MAP2K3: variants seen among roughly 807,000 people sequenced by gnomAD.
MAP2K3 encodes dual specificity mitogen-activated protein kinase kinase 3.
MAP2K3 carries 30 observed loss-of-function variants against 46.4 expected under a neutral mutation model. The observed-to-expected ratio is 0.65, with a 90% CI of 0.48 to 0.88. MAP2K3 has a LOEUF of 0.88. Among genes scored for constraint, MAP2K3 ranks in the 40% least tolerant of loss-of-function variants. The pLI is 0.00. For missense variants in MAP2K3, 380 were observed against 464.5 expected (o/e 0.82, Z 1.67); for synonymous variants, 189 against 176.3 (o/e 1.07, Z -0.57).
At chr17:21,313,757 G>A (rs1239442660) in intron 11 of MAP2K3, 6 of 596,978 alleles carry the variant, frequency 1.0e-5, no homozygotes, top group South Asian at 7.8e-5. Context: ...CACAGGCAGT[G>A]TGTGACAGAA....
intron 2 of MAP2K3, among the ~76,000 whole-genome samples, 186 bp downstream of exon 2, chr17:21,298,665 G>A (rs1037611372): frequency 1.3e-5 from 2 of 152,308 alleles, no homozygotes; most frequent in African/African-American, 4.8e-5. Context: ...GCTCTGCTCT[G>A]CTCACTTCTC....
intron 1 of MAP2K3, among the ~76,000 whole-genome samples, chr17:21,293,357 A>G (rs937163389): frequency 1.3e-5 from 2 of 152,304 alleles, no homozygotes; most frequent in South Asian, 2.1e-4. Flanking sequence ...GCCCTTCCCT[A>G]CGTCCTTCCC....
intron 7 of MAP2K3, among the ~76,000 whole-genome samples, chr17:21,303,731 G>T (rs1976733456): frequency 6.6e-6 from 1 of 152,276 alleles, no homozygotes; most frequent in Non-Finnish European, 1.5e-5. Context: ...GTCTGGTGTG[G>T]TCTCAGTTTG....
chr17:21,290,314 A>T (rs1178051679), intron 1 of MAP2K3, among the ~76,000 whole-genome samples: 1 of 152,118 alleles, frequency 6.6e-6, no homozygotes, highest in African/African-American at 2.4e-5. Flanking sequence ...GGGTATGGGG[A>T]TGGAGACAGC....
intron 5 of MAP2K3, 62 bp from the exon 6 acceptor site, chr17:21,302,081 G>C: frequency 1.3e-6 from 2 of 1,521,144 alleles, no homozygotes; most frequent in Non-Finnish European, 1.8e-6. Context: ...GGGGCAGGCA[G>C]TGCAGGTGGT....
chr17:21,297,289 A>G (rs2144535567), intron 1 of MAP2K3, among the ~76,000 whole-genome samples: 1 of 152,428 alleles, frequency 6.6e-6, no homozygotes, highest in Admixed American at 6.5e-5. Flanking sequence ...GGCAGGCGGC[A>G]GCAGGGCCAT....
intron 1 of MAP2K3, chr17:21,295,751 G>C: frequency 7.8e-7 from 1 of 1,288,996 alleles, no homozygotes; most frequent in Non-Finnish European, 1.0e-6. Context: ...CAGCCCATAT[G>C]TGCAAGTGCC....
intron 1 of MAP2K3, among the ~76,000 whole-genome samples, chr17:21,292,304 G>A (rs978519543): frequency 6.6e-6 from 1 of 152,430 alleles, no homozygotes; most frequent in East Asian, 1.9e-4. Context: ...CACAGTGCAG[G>A]AATCTCAAAG....
At chr17:21,308,608 A>AT (rs59529987) in intron 9 of MAP2K3, among the ~76,000 whole-genome samples, 1,424 of 16,998 alleles carry the variant, frequency 0.084, 1 homozygote, top group Middle Eastern at 0.12. Flanking sequence ...TTCAATTAAA[A>AT]TTTTTTTTTT....
intron 2 of MAP2K3, 103 bp from the exon 3 acceptor site, chr17:21,298,775 G>T: frequency 6.4e-7 from 1 of 1,557,316 alleles, no homozygotes; most frequent in Non-Finnish European, 8.8e-7. Flanking sequence ...CGGGGCAGGA[G>T]GCACCTCGTC....
At chr17:21,291,748 A>C (rs376364744) in intron 1 of MAP2K3, 1,926 of 372,804 alleles carry the variant, frequency 5.2e-3, no homozygotes, top group African/African-American at 0.031. Flanking sequence ...CTACCCAGCA[A>C]CCTGGGTGTG....
chr17:21,298,771 A>AG, intron 2 of MAP2K3, 107 bp from the exon 3 acceptor site: 1 of 1,535,924 alleles, frequency 6.5e-7, no homozygotes, highest in Non-Finnish European at 9.0e-7. Flanking sequence ...CCTCCGGGGC[A>AG]GGAGGCACCT....
At chr17:21,307,667 C>A (rs1306758068) in intron 9 of MAP2K3, among the ~76,000 whole-genome samples, 36 of 152,284 alleles carry the variant, frequency 2.4e-4, no homozygotes, top group Non-Finnish European at 4.3e-4. Context: ...GTGGTTATAA[C>A]TTTATTTATT....
At chr17:21,297,266 C>T (rs1976309673) in intron 1 of MAP2K3, among the ~76,000 whole-genome samples, 5 of 152,430 alleles carry the variant, frequency 3.3e-5, no homozygotes, top group East Asian at 1.9e-4. Flanking sequence ...GCTTCAGAGA[C>T]TGGGGTCTTC....
intron 8 of MAP2K3, among the ~76,000 whole-genome samples, chr17:21,304,821 C>T (rs1976804145): frequency 6.6e-6 from 1 of 152,312 alleles, no homozygotes; most frequent in African/African-American, 2.4e-5. Context: ...CAGGTCCCGC[C>T]CCGCCCTCAT....
At chr17:21,308,302 C>G (rs79532462) in intron 9 of MAP2K3, among the ~76,000 whole-genome samples, 36 of 151,764 alleles carry the variant, frequency 2.4e-4, no homozygotes, top group African/African-American at 8.3e-4. Context: ...CATTTGCCAC[C>G]ATGCCCGGCT....
At chr17:21,286,534 G>A (rs1975727980) in intron 1 of MAP2K3, among the ~76,000 whole-genome samples, 1 of 152,202 alleles carries the variant, frequency 6.6e-6, no homozygotes, top group Non-Finnish European at 1.5e-5. Flanking sequence ...TGAGTAACTC[G>A]GGAGGCACTC....
intron 1 of MAP2K3, chr17:21,296,067 T>C: frequency 7.8e-7 from 1 of 1,289,450 alleles, no homozygotes; most frequent in Non-Finnish European, 1.0e-6. Flanking sequence ...TAGGGCAGTT[T>C]TTTTTTTCAC....
At chr17:21,300,027 C>T (rs1367131412) in intron 3 of MAP2K3, among the ~76,000 whole-genome samples, 3 of 152,310 alleles carry the variant, frequency 2.0e-5, no homozygotes, top group African/African-American at 4.8e-5. Context: ...GACGATACTC[C>T]CTCCAGGCTG....
Sources: allele counts gnomAD v4.1 joint callset (sites outside exome capture counted in the v4.1 genomes callset), GRCh38; gene constraint gnomAD v4.1.1; transcripts MANE v1.5; gene names NCBI Gene and HGNC (gene_info 2026-07-23, HGNC 2026-07-21).